Variants in TENM1 observed in about 807,000 individuals in gnomAD.
TENM1 encodes the protein teneurin transmembrane protein 1, also known as teneurin-1.
A neutral mutation model predicts 174.8 loss-of-function variants in TENM1; 35 were observed. That is an observed-to-expected ratio of 0.20 (90% CI 0.15 to 0.27). The LOEUF (loss-of-function observed/expected upper bound fraction) is 0.27. Among genes scored for constraint, TENM1 ranks in the 10% least tolerant of loss-of-function variants. The pLI is 1.00. For synonymous variants in TENM1, 781 were observed against 798.7 expected (o/e 0.98, Z 0.37); for missense variants, 1,633 against 2,130.1 (o/e 0.77, Z 4.59).
At chrX:125,204,086 T>C in the TENM1 span, 1 of 113,107 alleles carries the variant, frequency 8.8e-6, no homozygotes, top group Admixed American at 9.2e-5. Flanking sequence ...GCCAGAAGGG[T>C]GCTTGCGCCC....
At chrX:125,042,373 C>A in the TENM1 span, among the ~76,000 whole-genome samples, 1 of 111,067 alleles carries the variant, frequency 9.0e-6, no homozygotes, top group African/African-American at 3.3e-5. Flanking sequence ...TGTCTCTCCC[C>A]TTACTTATCT....
the TENM1 span, among the ~76,000 whole-genome samples, chrX:125,096,046 C>T: frequency 8.9e-6 from 1 of 111,909 alleles, no homozygotes; most frequent in Non-Finnish European, 1.9e-5. Flanking sequence ...GTGATACCAA[C>T]CTTGTCCAGT....
chrX:125,042,001 G>A, the TENM1 span, among the ~76,000 whole-genome samples: 6 of 111,842 alleles, frequency 5.4e-5, no homozygotes, highest in Non-Finnish European at 1.1e-4. Flanking sequence ...GAATATGTGT[G>A]CTTTAATGAC....
chrX:124,939,220 C>T (rs971617698), intron 1 of TENM1, among the ~76,000 whole-genome samples: 7 of 112,071 alleles, frequency 6.2e-5, no homozygotes, highest in Admixed American at 1.9e-4. Flanking sequence ...TGGACTTCCT[C>T]ATGGCCATAA....
intron 15 of TENM1, among the ~76,000 whole-genome samples, chrX:124,531,126 CTTTTTTTT>C (rs1189755779): frequency 1.3e-5 from 1 of 79,181 alleles, no homozygotes; most frequent in African/African-American, 5.1e-5. Flanking sequence ...TCAATACCAC[CTTTTTTTT>C]TTTTTTTTTT....
At chrX:125,130,039 G>A in the TENM1 span, among the ~76,000 whole-genome samples, 2 of 111,481 alleles carry the variant, frequency 1.8e-5, no homozygotes. Context: ...ACTCCTTACA[G>A]TTGAATAGAA....
At chrX:124,520,901 G>A (rs914030601) in intron 17 of TENM1, 117 bp from the exon 21 acceptor site, 1 of 645,804 alleles carries the variant, frequency 1.5e-6, no homozygotes, top group Non-Finnish European at 2.2e-6. Context: ...GCTTAAACAG[G>A]TCTAAGGACG....
At chrX:125,159,634 T>C in the TENM1 span, among the ~76,000 whole-genome samples, 1 of 112,398 alleles carries the variant, frequency 8.9e-6, no homozygotes, top group Non-Finnish European at 1.9e-5. Flanking sequence ...ATTCAAATAA[T>C]GTATCAAATG....
At chrX:124,671,452 A>C (rs2051918749) in intron 6 of TENM1, among the ~76,000 whole-genome samples, 1 of 111,429 alleles carries the variant, frequency 9.0e-6, no homozygotes, top group African/African-American at 3.3e-5. Flanking sequence ...ATATTTATCT[A>C]TTTTCAAAAT....
intron 11 of TENM1, among the ~76,000 whole-genome samples, chrX:124,566,305 T>A (rs1248862927): frequency 8.9e-6 from 1 of 112,512 alleles, no homozygotes; most frequent in Non-Finnish European, 1.9e-5. Context: ...AAAGTACACA[T>A]CCTTCTTATC....
At chrX:124,379,229 G>A (rs1261846331) in exon 32 of TENM1, 1 of 112,032 alleles carries the variant, frequency 8.9e-6, no homozygotes, top group Non-Finnish European at 1.9e-5. Flanking sequence ...CAGTAGAGAC[G>A]ATTAAATAAA....
intron 3 of TENM1, among the ~76,000 whole-genome samples, chrX:124,793,049 T>C (rs1201826371): frequency 8.9e-6 from 1 of 111,972 alleles, no homozygotes; most frequent in East Asian, 2.8e-4. Flanking sequence ...ACTCTGAACC[T>C]GGAACAGCAG....
intron 3 of TENM1, among the ~76,000 whole-genome samples, chrX:124,844,488 A>T: frequency 9.0e-6 from 1 of 111,027 alleles, no homozygotes; most frequent in Non-Finnish European, 1.9e-5. Context: ...GTCTTGATGG[A>T]CTGTGTGGTT....
intron 11 of TENM1, among the ~76,000 whole-genome samples, chrX:124,586,820 G>A (rs779209779): frequency 9.3e-6 from 1 of 107,495 alleles, no homozygotes; most frequent in South Asian, 4.2e-4. Context: ...TCCTTAAGCT[G>A]ATAAGCAACT....
chrX:125,204,151 G>A, the TENM1 span: 1 of 110,057 alleles, frequency 9.1e-6, no homozygotes, highest in African/African-American at 3.5e-5. Flanking sequence ...GTGAGTGAAA[G>A]AGAGTGTTCG....
At chrX:125,153,156 T>C in the TENM1 span, among the ~76,000 whole-genome samples, 1 of 112,001 alleles carries the variant, frequency 8.9e-6, no homozygotes, top group Non-Finnish European at 1.9e-5. Context: ...GTTTTAACCA[T>C]CAGAATGTCC....
At chrX:124,886,193 G>A (rs2057380915) in intron 3 of TENM1, among the ~76,000 whole-genome samples, 1 of 110,573 alleles carries the variant, frequency 9.0e-6, no homozygotes, top group Admixed American at 9.7e-5. Flanking sequence ...GTTGATAAGA[G>A]CACTTTAACT....
chrX:124,961,398 T>A (rs909660133), intron 1 of TENM1, among the ~76,000 whole-genome samples: 2 of 111,275 alleles, frequency 1.8e-5, no homozygotes, highest in Non-Finnish European at 3.8e-5. Flanking sequence ...TCCCAGCACT[T>A]TGGGAGGCCG....
the TENM1 span, among the ~76,000 whole-genome samples, chrX:125,201,522 G>T: frequency 4.5e-5 from 5 of 111,717 alleles, no homozygotes; most frequent in East Asian, 2.8e-4. Context: ...TATTTGTGGG[G>T]TTTTTTTCTG....
Sources: allele counts gnomAD v4.1 joint callset (sites outside exome capture counted in the v4.1 genomes callset), GRCh38; gene constraint gnomAD v4.1.1; transcripts MANE v1.5; gene names NCBI Gene and HGNC (gene_info 2026-07-23, HGNC 2026-07-21).